The following USP36 variants were observed in gnomAD, a reference collection of about 807,000 sequenced individuals.
The protein encoded by USP36 is ubiquitin carboxyl-terminal hydrolase 36.
Under a neutral mutation model 111.5 loss-of-function variants are expected in USP36, and 59 were observed. The ratio of observed to expected loss-of-function variants is 0.53; its 90% CI spans 0.43 to 0.66. The LOEUF (loss-of-function observed/expected upper bound fraction) is 0.66. Among genes scored for constraint, USP36 ranks in the 30% least tolerant of loss-of-function variants. USP36 has a pLI of 0.00. For missense variants in USP36, 1,488 were observed against 1,468.0 expected (o/e 1.01, Z -0.22); for synonymous variants, 628 against 581.0 (o/e 1.08, Z -1.16).
rs151312884 is a variant in USP36, at chr17:78,796,174, G to A, written c.*1726C>T. The A allele has an allele frequency of 1.3e-5, 2 of 152,324 alleles. No homozygotes were observed. The highest frequency in any genetic ancestry group is 3.9e-4 in the East Asian group (2 of 5,194). The allele number at this position is 152,324 out of a possible 1,614,324, so 9.4% of individuals were successfully genotyped here. A position where few individuals can be genotyped will look rare whatever the true frequency, so the allele number is the denominator to read the frequency against. On this transcript the variant is annotated 3_prime_UTR_variant, in exon 21 of 21. Transcript: ENST00000449938. ...AGGGAAGAGACTGATTTGGAGGAGAGAAGGGAGAGAAAGGAACGAGATAAA... is the reference window on the plus strand; with the variant it reads ...AGGGAAGAGACTGATTTGGAGGAGAAAAGGGAGAGAAAGGAACGAGATAAA...
At chr17:78,816,654 T>C (rs1347389537) in intron 10 of USP36, among the ~76,000 whole-genome samples, 2 of 151,914 alleles carry the variant, frequency 1.3e-5, no homozygotes, top group Non-Finnish European at 2.9e-5. Flanking sequence ...ACCAAAATTT[T>C]TTTGTAGAGA....
chr17:78,826,319 G>A (rs2067537040), intron 6 of USP36, among the ~76,000 whole-genome samples: 3 of 152,198 alleles, frequency 2.0e-5, no homozygotes, highest in African/African-American at 7.2e-5. Context: ...CTTGAGGCCA[G>A]GAGTTGGAGA....
At chr17:78,809,548 G>C (rs977946421) in intron 13 of USP36, among the ~76,000 whole-genome samples, 3 of 152,136 alleles carry the variant, frequency 2.0e-5, no homozygotes, top group Non-Finnish European at 4.4e-5. Flanking sequence ...AGGTGTGCCT[G>C]ACACAGGGAC....
chr17:78,791,129 CTTTTTTTTTTTTT>C (rs10522788), downstream of USP36, among the ~76,000 whole-genome samples: 1,718 of 121,232 alleles, frequency 0.014, 36 homozygotes, highest in African/African-American at 0.053. Flanking sequence ...ATCTGGCCTT[CTTTTTTTTTTTTT>C]TTTTTTTTTT....
chr17:78,803,579 G>A lies in USP36; in HGVS notation c.2616C>T (p.Pro872=). ...EGQTQRQPGS[P]MYRREGQAQL... ...GTGCCTGGCCCTCCCTCCTGTACAT[G>A]GGGCTCCCAGGCTGTCTCTGTGTCT... is the stretch of plus-strand genomic sequence containing the variant. The change falls in exon 16 of 21, where the codon CCC becomes CCT. Residue 872 remains proline, a synonymous_variant. Coordinates refer to ENST00000449938, the MANE Select transcript of USP36 (RefSeq NM_001385174.1). This position sits in a 1 kb window ranked among gnomAD's most constrained non-coding sequence, Gnocchi z 4.6. 1 of 1,613,110 alleles carries A rather than the reference G, an allele frequency of 6.2e-7. No homozygotes were observed. The highest frequency in any genetic ancestry group is 8.5e-7 in the Non-Finnish European group (1 of 1,179,992).
At chr17:78,824,914 G>A (rs529702534) in intron 6 of USP36, among the ~76,000 whole-genome samples, 2 of 152,322 alleles carry the variant, frequency 1.3e-5, no homozygotes, top group Non-Finnish European at 2.9e-5. Context: ...GCCACTCCAC[G>A]TGACAAGTGA....
chr17:78,830,061 T>C (rs572227698), intron 4 of USP36, among the ~76,000 whole-genome samples: 3 of 152,196 alleles, frequency 2.0e-5, no homozygotes, highest in Admixed American at 6.5e-5. Context: ...CATTTTTACC[T>C]TTCAAATTAT....
At chr17:78,806,414 G>C (rs897979922) in intron 14 of USP36, 128 bp from the exon 15 acceptor site, 6 of 1,308,494 alleles carry the variant, frequency 4.6e-6, no homozygotes, top group Non-Finnish European at 6.2e-6. Flanking sequence ...TGAGGAGACA[G>C]AAGAAGACAA....
rs979458076 is a variant in USP36, at chr17:78,798,782, G to A, written c.3240+126C>T. The A allele has an allele frequency of 3.9e-5, 50 of 1,293,762 alleles. No homozygotes were observed. The Middle Eastern group carries it at 5.6e-4, about 15-fold the overall frequency. The allele number at this position is 1,293,762 out of a possible 1,614,324, so 80.1% of individuals were successfully genotyped here. ...CATGGCCACACGCCCGGACAGGCCTGGGCAGCCTGGCTCTTCTCATGCTCG... is the reference window on the plus strand; with the variant it reads ...CATGGCCACACGCCCGGACAGGCCTAGGCAGCCTGGCTCTTCTCATGCTCG... On this transcript the variant is annotated intron_variant, in intron 19 of 20. Coordinates refer to ENST00000449938, the MANE Select transcript of USP36 (RefSeq NM_001385174.1). This position sits in a 1 kb window ranked among gnomAD's most constrained non-coding sequence, Gnocchi z 5.1.
chr17:78,819,154 T>TG lies in USP36; in HGVS notation c.912-377dup, dbSNP rs137980652. The TG allele has an allele frequency of 6.2e-3, 1,178 of 189,524 alleles. 50 individuals carry two copies. In the East Asian group the frequency reaches 0.11, roughly 18 times the overall value. 11.7% of individuals were successfully genotyped at this position (189,524 alleles called of 1,614,324 possible). On this transcript the variant is annotated intron_variant, in intron 9 of 20. Coordinates refer to ENST00000449938, the MANE Select transcript of USP36 (RefSeq NM_001385174.1). The stretch of plus-strand genomic sequence containing the variant: ...AGTCAACGTAAGCAAAGCTAGAAGA[T>TG]GCGCAAACACAGGGAGAGAAAACAG...
At chr17:78,792,625 T>C (rs2093592306), downstream of USP36, among the ~76,000 whole-genome samples, 1 of 152,174 alleles carries the variant, frequency 6.6e-6, no homozygotes, top group Non-Finnish European at 1.5e-5. Flanking sequence ...AAGGAGCCCC[T>C]GGCAATTCTG....
At chr17:78,817,471 T>C (rs2094214604) in intron 10 of USP36, among the ~76,000 whole-genome samples, 1 of 152,072 alleles carries the variant, frequency 6.6e-6, no homozygotes, top group Non-Finnish European at 1.5e-5. Context: ...GATACAGACA[T>C]CTACTGGGCA....
rs375456800 is a variant in USP36, at chr17:78,822,560, C to T, written c.690-556G>A. ...GGACAGCGGAGTCAGACGTGGGCTT[C>T]GGGGTCAGGAGCCCTGCCCTCATTC... On this transcript the variant is annotated intron_variant, in intron 6 of 20. Transcript: ENST00000449938. Among the ~76,000 whole-genome samples the T allele has an allele frequency of 9.2e-5, 14 of 152,176 alleles. No individual in the cohort carries two copies. In the East Asian group the frequency reaches 1.5e-3, roughly 17 times the overall value.
At chr17:78,806,070 C>T (rs1003456744) in intron 15 of USP36, 86 bp downstream of exon 15, 68 of 1,595,946 alleles carry the variant, frequency 4.3e-5, no homozygotes, top group Admixed American at 2.7e-4. Context: ...GTGAGGTTGG[C>T]GATTCGTCCA....
At chr17:78,832,204 C>G (rs2068200558) in intron 4 of USP36, among the ~76,000 whole-genome samples, 1 of 152,198 alleles carries the variant, frequency 6.6e-6, no homozygotes, top group Admixed American at 6.5e-5. Flanking sequence ...TCTCTTCTAG[C>G]TAAATATTAG....
chr17:78,839,896 C>G (rs1479607318), intron 1 of USP36, among the ~76,000 whole-genome samples: 2 of 152,252 alleles, frequency 1.3e-5, no homozygotes. Context: ...ACATTTCCAC[C>G]TGCGCGAACC....
At position 78,821,917 on chromosome 17, in the gene USP36, G is replaced by A. The variant is rs763037682; in HGVS notation, c.757+20C>T. On this transcript the variant is annotated intron_variant, in intron 7 of 20. Transcript: ENST00000449938. ...GTTCTAATCCTGGCAAGAAGCAGTA[G>A]AACAAACGTCTCCACTTACCGCGTG... 2.1e-5 allele frequency: 34 copies of A among 1,613,542 alleles called. No individual in the cohort carries two copies. In the African/African-American group the frequency reaches 2.8e-4, roughly 13 times the overall value.
intron 10 of USP36, 66 bp from the exon 11 acceptor site, chr17:78,814,618 T>C (rs1599029834): frequency 2.6e-6 from 4 of 1,565,394 alleles, no homozygotes. Context: ...ATTTGCCCTT[T>C]CCATCCACAA....
chr17:78,796,823 G>A lies in USP36; in HGVS notation c.*1077C>T, dbSNP rs915691309. 3 of 152,246 alleles carry A rather than the reference G, an allele frequency of 2.0e-5. No homozygotes were observed. The highest frequency in any genetic ancestry group is 3.9e-4 in the East Asian group (2 of 5,190). The allele number at this position is 152,246 out of a possible 1,614,324, so 9.4% of individuals were successfully genotyped here. On this transcript the variant is annotated 3_prime_UTR_variant, in exon 21 of 21. Coordinates refer to ENST00000449938, the MANE Select transcript of USP36 (RefSeq NM_001385174.1). Reference sequence around the variant, plus strand: ...AGACCCGATGAGGAAGGATGTTCACGGTCACCTTCACACTTCCCACTACTA... The same window carrying A: ...AGACCCGATGAGGAAGGATGTTCACAGTCACCTTCACACTTCCCACTACTA...
Sources: gnomAD v4.1 joint callset for allele counts (sites outside exome capture counted in the v4.1 genomes callset) on GRCh38, gnomAD v4.1.1 for gene constraint, Gnocchi (gnomAD v3.1) non-coding constraint, MANE v1.5 for transcripts, NCBI Gene and HGNC (gene_info 2026-07-23, HGNC 2026-07-21) for gene names.